Variants in ACADS observed in about 807,000 individuals in gnomAD.
The protein encoded by ACADS is short-chain specific acyl-CoA dehydrogenase, mitochondrial.
A neutral mutation model predicts 46.8 loss-of-function variants in ACADS; 28 were observed. The ratio of observed to expected loss-of-function variants is 0.60; its 90% CI spans 0.44 to 0.82. The LOEUF is 0.82. Among genes scored for constraint, ACADS ranks in the 40% least tolerant of loss-of-function variants. The pLI is 0.00. For synonymous variants in ACADS, 236 were observed against 237.7 expected, an observed-to-expected ratio of 0.99 and a Z score of 0.07; for missense variants, 528 against 578.0, an observed-to-expected ratio of 0.91 and a Z score of 0.89.
At chr12:120,730,315 A>T (rs571103928) in intron 2 of ACADS, among the ~76,000 whole-genome samples, 7 of 152,314 alleles carry the variant, frequency 4.6e-5, no homozygotes, top group Non-Finnish European at 1.0e-4. Context: ...TGATGGTGAG[A>T]AAGGAGGGAA....
At chr12:120,730,133 C>T (rs1332216556) in intron 2 of ACADS, among the ~76,000 whole-genome samples, 1 of 152,136 alleles carries the variant, frequency 6.6e-6, no homozygotes, top group African/African-American at 2.4e-5. Flanking sequence ...CAGGTGCGCA[C>T]CACCACACCC....
chr12:120,732,724 C>T, intron 2 of ACADS, among the ~76,000 whole-genome samples: 1 of 151,562 alleles, frequency 6.6e-6, no homozygotes, highest in Admixed American at 6.6e-5. Context: ...AAGAGGCGCT[C>T]CTCACTTCCC....
rs1180040531 is a variant in ACADS at position 120,738,804 on chromosome 12, G to A, written c.934-16G>A. 5 of 1,613,700 alleles carry A rather than the reference G, an allele frequency of 3.1e-6. No homozygotes were observed. The African/African-American group carries it at 4.0e-5, about 13-fold the overall frequency. ...GGGCAGCTGCTGACCTGTGGTGTGGGGTGGGGCTATTGCAGTTCAAGTTGG... is the reference window on the plus strand; with the variant it reads ...GGGCAGCTGCTGACCTGTGGTGTGGAGTGGGGCTATTGCAGTTCAAGTTGG... On this transcript the variant is annotated splice_polypyrimidine_tract_variant and intron_variant, in intron 7 of 9. Coordinates refer to ENST00000242592, the MANE Select transcript of ACADS (RefSeq NM_000017.4).
At position 120,739,362 on chromosome 12, in the gene ACADS, G is replaced by T. The variant is rs202124189; in HGVS notation, c.1153G>T (p.Ala385Ser). The change falls in exon 10 of 10, where the codon GCC becomes TCC. Residue 385 changes from alanine (A) to serine (S), a missense_variant. Ala to Ser is a moderately conservative substitution (Grantham distance 99). Coordinates refer to ENST00000242592, the MANE Select transcript of ACADS (RefSeq NM_000017.4). ...GCCGGCAGAGCGGCACTACCGCGAC[G>T]CCCGCATCACTGAGATCTACGAGGG... ...EMPAERHYRD[A>S]RITEIYEGTS... The T allele has an allele frequency of 3.2e-5, 51 of 1,613,020 alleles. 2 individuals are homozygous for T. The Admixed American group carries it at 6.0e-4, about 19-fold the overall frequency.
rs1408462903 is a variant in ACADS, at chr12:120,737,921, T to A, written c.557T>A (p.Ile186Asn). ...GTTCTGAATGGAACCAAAGCCTGGA[T>A]CACCAATGCCTGGGAGGCTTCGGCT... ...SWVLNGTKAWITNAWEASAAV... is the reference protein window; with the variant it reads ...SWVLNGTKAWNTNAWEASAAV... The change falls in exon 5 of 10, where the codon ATC (isoleucine) becomes AAC (asparagine). Residue 186 changes from isoleucine (I) to asparagine (N), a missense_variant. Transcript: ENST00000242592. 4.3e-6 allele frequency: 7 copies of A among 1,614,098 alleles called. No homozygotes were observed. The highest frequency in any genetic ancestry group is 5.1e-6 in the Non-Finnish European group (6 of 1,180,028).
chr12:120,737,352 C>T lies in ACADS; in HGVS notation c.361-4C>T, dbSNP rs1385411077. 2.5e-6 allele frequency: 4 copies of T among 1,613,464 alleles called. No homozygotes were observed. Among genetic ancestry groups the T allele is most frequent in the South Asian group, 1.1e-5 (1 of 91,080 alleles). On this transcript the variant is annotated splice_region_variant and splice_polypyrimidine_tract_variant and intron_variant, in intron 3 of 9. Transcript: ENST00000242592. ...CCTCCGACCGCTCCCCGCTGTCCTC[C>T]TAGTCTCTCTACCTGGGGCCCATCT... is the stretch of plus-strand genomic sequence containing the variant.
intron 5 of ACADS, 81 bp from the exon 6 acceptor site, chr12:120,738,199 G>T: frequency 6.2e-7 from 1 of 1,606,154 alleles, no homozygotes; most frequent in South Asian, 1.1e-5. Context: ...GTGGGGAGGG[G>T]ACCGGGTTGG....
chr12:120,726,062 GC>G, intron 1 of ACADS, 131 bp downstream of exon 1: 1 of 966,498 alleles, frequency 1.0e-6, no homozygotes, highest in Non-Finnish European at 1.4e-6. Context: ...CACGGCCTTT[GC>G]CCCAGTTCTG....
chr12:120,739,702 G>A lies in ACADS; in HGVS notation c.*254G>A. ...AAGTGGCCCTGGCCTCCTGGGGGCG[G>A]GGTTGTGGGGGGGCTGAGCGACACT... On this transcript the variant is annotated 3_prime_UTR_variant, in exon 10 of 10. Coordinates refer to ENST00000242592, the MANE Select transcript of ACADS (RefSeq NM_000017.4). The A allele has an allele frequency of 1.8e-6, 1 of 556,874 alleles. No homozygotes were observed. Among genetic ancestry groups the A allele is most frequent in the Non-Finnish European group, 3.2e-6 (1 of 310,812 alleles). 34.5% of individuals were successfully genotyped at this position (556,874 alleles called of 1,614,324 possible).
In ACADS at chr12:120,737,898, T is replaced by C. The variant is rs2136949215; in HGVS notation, c.534T>C (p.Val178=). The part of the protein sequence containing the change: ...TTARAEGDSW[V]LNGTKAWITN... The stretch of plus-strand genomic sequence containing the variant: ...CCCGGGCCGAGGGCGACTCATGGGT[T>C]CTGAATGGAACCAAAGCCTGGATCA... The change falls in exon 5 of 10, where the codon GTT becomes GTC. Residue 178 remains valine, a synonymous_variant. Transcript: ENST00000242592. 1 of 1,614,098 alleles carries C rather than the reference T, an allele frequency of 6.2e-7. No homozygotes were observed. Among genetic ancestry groups the C allele is most frequent in the South Asian group, 1.1e-5 (1 of 91,082 alleles).
chr12:120,731,394 T>C (rs1883242771), intron 2 of ACADS, among the ~76,000 whole-genome samples: 1 of 151,968 alleles, frequency 6.6e-6, no homozygotes, highest in South Asian at 2.1e-4. Context: ...GCTGGAGACC[T>C]GCGTATTTCT....
In ACADS at chr12:120,727,514, G is replaced by A. The variant is rs987359747; in HGVS notation, c.210+325G>A. On this transcript the variant is annotated intron_variant, in intron 2 of 9. Coordinates refer to ENST00000242592, the MANE Select transcript of ACADS (RefSeq NM_000017.4). ...GGTTATCTCATCTGTTCCTCACAAC[G>A]GTCCTGTGAGGTGAAGGTACTATTC... Among the ~76,000 whole-genome samples, 14 of 152,156 alleles carry A rather than the reference G, an allele frequency of 9.2e-5. 1 individual carries two copies. The highest frequency in any genetic ancestry group is 7.2e-4 in the Admixed American group (11 of 15,282).
intron 2 of ACADS, among the ~76,000 whole-genome samples, chr12:120,734,753 A>ATTTTTTTTTT (rs34601782): frequency 2.9e-5 from 4 of 136,864 alleles, no homozygotes; most frequent in African/African-American, 1.1e-4. Context: ...AAAAACAATA[A>ATTTTTTTTTT]TTTTTTTTTT....
intron 1 of ACADS, 86 bp downstream of exon 1, chr12:120,726,017 G>C (rs1883072877): frequency 7.4e-7 from 1 of 1,355,076 alleles, no homozygotes; most frequent in South Asian, 1.5e-5. Context: ...CTCTGTCAGA[G>C]CCGCTGGCAG....
chr12:120,726,969 A>G (rs1220522188), intron 1 of ACADS, 57 bp from the exon 2 acceptor site: 9 of 1,603,436 alleles, frequency 5.6e-6, no homozygotes, highest in South Asian at 1.1e-5. Context: ...GTGGGTCACT[A>G]GGATTCTTGG....
In ACADS at chr12:120,738,755, C is replaced by T. The variant is rs1883547148; in HGVS notation, c.934-65C>T. 3.1e-6 allele frequency: 5 copies of T among 1,611,126 alleles called. No homozygotes were observed. In the South Asian group the frequency reaches 4.4e-5, roughly 14 times the overall value. ...CCTCCTGACTGCTCTCCGTCCTCCT[C>T]CCCCTCCCTTCTGTCCCCTGGAGGG... On this transcript the variant is annotated intron_variant, in intron 7 of 9. Coordinates refer to ENST00000242592, the MANE Select transcript of ACADS (RefSeq NM_000017.4).
At chr12:120,729,583 T>C (rs1566024184) in intron 2 of ACADS, among the ~76,000 whole-genome samples, 1 of 152,118 alleles carries the variant, frequency 6.6e-6, no homozygotes, top group Non-Finnish European at 1.5e-5. Context: ...TTTTTGACTG[T>C]CTCGTCTCTT....
chr12:120,729,154 C>T (rs978356595), intron 2 of ACADS, among the ~76,000 whole-genome samples: 3 of 152,084 alleles, frequency 2.0e-5, no homozygotes, highest in Non-Finnish European at 2.9e-5. Context: ...CTGGGACGGG[C>T]GCCTGGCTGC....
chr12:120,726,894 A>G, intron 1 of ACADS, 132 bp from the exon 2 acceptor site: 2 of 1,031,804 alleles, frequency 1.9e-6, no homozygotes, highest in South Asian at 1.3e-5. Flanking sequence ...TAGTTGTGAC[A>G]ACTAGAACTG....
Sources: gnomAD v4.1 joint callset for allele counts (sites outside exome capture counted in the v4.1 genomes callset) on GRCh38, gnomAD v4.1.1 for gene constraint, MANE v1.5 for transcripts, NCBI Gene and HGNC (gene_info 2026-07-23, HGNC 2026-07-21) for gene names.